Variants in TG observed in about 807,000 individuals in gnomAD.
The protein encoded by TG is thyroid hormones.
In TG, 270 loss-of-function variants were observed where a neutral mutation model predicts 324.7. The observed-to-expected ratio is 0.83, with a 90% CI of 0.75 to 0.92. The LOEUF is 0.92. Among genes scored for constraint, TG ranks in the 40% least tolerant of loss-of-function variants. The pLI, the probability that TG is intolerant of heterozygous loss-of-function variation, is 0.00. For synonymous variants in TG, 1,401 were observed against 1,327.0 expected (o/e 1.06, Z -1.21); for missense variants, 3,591 against 3,456.4 (o/e 1.04, Z -0.98).
chr8:133,022,266 A>T, intron 40 of TG, 116 bp downstream of exon 40: 1 of 1,441,696 alleles, frequency 6.9e-7, no homozygotes, highest in Admixed American at 1.7e-5. Flanking sequence ...CTAGGCACAC[A>T]GTGGAAATTT....
Position 133,133,640 on chromosome 8 carries a change from C to T in TG, c.8168C>T (p.Ser2723Leu), listed in dbSNP as rs763672890. The T allele has an allele frequency of 1.1e-4, 184 of 1,613,924 alleles. No individual in the cohort carries two copies. Among genetic ancestry groups the T allele is most frequent in the Non-Finnish European group, 1.5e-4 (176 of 1,179,966 alleles). The stretch of plus-strand genomic sequence containing the variant: ...TGCTCCTTCTGGTCCAAGTACATCT[C>T]GTCTCTGAAGACATCTGCAGGTAGC... Reference protein sequence around the residue: ...ADCSFWSKYISSLKTSADGAK... With the variant: ...ADCSFWSKYILSLKTSADGAK... The change falls in exon 47 of 48, where the codon TCG becomes TTG. Residue 2723 changes from serine to leucine, a missense_variant. By Grantham distance (145) the Ser-to-Leu change is moderately radical (BLOSUM62 -2). Transcript: ENST00000220616.
chr8:133,107,620 C>T (rs1333497127), intron 43 of TG, among the ~76,000 whole-genome samples: 1 of 152,214 alleles, frequency 6.6e-6, no homozygotes, highest in African/African-American at 2.4e-5. Context: ...TGTGCCCCTT[C>T]ACATTCCCTT....
At chr8:133,127,644 A>C (rs1851621516) in intron 45 of TG, among the ~76,000 whole-genome samples, 1 of 152,204 alleles carries the variant, frequency 6.6e-6, no homozygotes, top group Admixed American at 6.5e-5. Context: ...CTTTCGAAGA[A>C]TTAGATTCCA....
intron 41 of TG, among the ~76,000 whole-genome samples, chr8:133,074,093 G>T (rs2739154): frequency 0.43 from 65,353 of 151,920 alleles, 14,351 homozygotes; most frequent in Non-Finnish European, 0.46. Flanking sequence ...AAAGAATGTG[G>T]AGTGTGCCAT....
Position 132,888,019 on chromosome 8 carries a change from T to C in TG, c.2212T>C (p.Phe738Leu). The change falls in exon 10 of 48, where the codon TTC becomes CTC. Residue 738 changes from phenylalanine (F) to leucine (L), a missense_variant. Coordinates refer to ENST00000220616, the MANE Select transcript of TG (RefSeq NM_003235.5). ...TPCQLQSEQA[F>L]LRTVQALLSN... ...CTGTCAATTACAGTCTGAGCAAGCT[T>C]TCCTCAGGACGGTGCAGGCCCTGCT... 6.2e-7 allele frequency: 1 copy of C among 1,614,150 alleles called. No homozygotes were observed. The highest frequency in any genetic ancestry group is 1.1e-5 in the South Asian group (1 of 91,058).
intron 43 of TG, among the ~76,000 whole-genome samples, chr8:133,096,957 C>T (rs1005879856): frequency 6.6e-6 from 1 of 152,200 alleles, no homozygotes; most frequent in African/African-American, 2.4e-5. Flanking sequence ...GAAGTTACAG[C>T]CACTCACTAG....
At chr8:132,903,489 G>A (rs1818224930) in intron 16 of TG, among the ~76,000 whole-genome samples, 1 of 152,362 alleles carries the variant, frequency 6.6e-6, no homozygotes, top group South Asian at 2.1e-4. Flanking sequence ...TTTGGGAAAA[G>A]CTGAGAGATT....
At chr8:132,870,374 A>C (rs1484039695) in intron 3 of TG, among the ~76,000 whole-genome samples, 3 of 146,506 alleles carry the variant, frequency 2.0e-5, no homozygotes, top group Non-Finnish European at 3.0e-5. Flanking sequence ...TTATGCATCT[A>C]GTATGGTTGT....
chr8:132,873,754 G>A (rs948938469), intron 5 of TG, among the ~76,000 whole-genome samples: 6 of 152,200 alleles, frequency 3.9e-5, no homozygotes, highest in Non-Finnish European at 8.8e-5. Context: ...TTGTGCTTAT[G>A]TGACTATATT....
intron 45 of TG, among the ~76,000 whole-genome samples, chr8:133,126,095 A>T (rs139603816): frequency 2.2e-4 from 33 of 152,336 alleles, no homozygotes; most frequent in African/African-American, 7.0e-4. Flanking sequence ...GATAGGTGTG[A>T]TGCCTTAAAT....
At chr8:132,959,047 T>C (rs1587577397) in intron 27 of TG, among the ~76,000 whole-genome samples, 1 of 152,236 alleles carries the variant, frequency 6.6e-6, no homozygotes, top group Admixed American at 6.5e-5. Flanking sequence ...GAGTAGATCC[T>C]TTAGAGAAAC....
chr8:133,033,484 C>T (rs545451741), intron 41 of TG, among the ~76,000 whole-genome samples: 13 of 152,328 alleles, frequency 8.5e-5, no homozygotes, highest in Admixed American at 2.6e-4. Flanking sequence ...CCTTGCTGTT[C>T]TATGACAGCG....
At chr8:132,937,349 A>G (rs1823759617) in intron 25 of TG, among the ~76,000 whole-genome samples, 1 of 152,184 alleles carries the variant, frequency 6.6e-6, no homozygotes. Context: ...CTTGGTAGCA[A>G]TTGCGAGCCC....
intron 3 of TG, among the ~76,000 whole-genome samples, chr8:132,870,663 T>G (rs1587163535): frequency 6.6e-6 from 1 of 152,098 alleles, no homozygotes; most frequent in Non-Finnish European, 1.5e-5. Context: ...CTGCAGGCTG[T>G]GCCGAAGCAT....
chr8:133,024,563 C>G (rs1428030087), intron 40 of TG, among the ~76,000 whole-genome samples: 5 of 151,670 alleles, frequency 3.3e-5, no homozygotes, highest in African/African-American at 7.3e-5. Context: ...TCCCCTTGCC[C>G]CCCGCCCCCC....
At chr8:133,119,607 A>G (rs1299768426) in intron 45 of TG, among the ~76,000 whole-genome samples, 3 of 152,114 alleles carry the variant, frequency 2.0e-5, no homozygotes, top group Non-Finnish European at 4.4e-5. Flanking sequence ...TCCATTCATA[A>G]GGCTCCACCC....
chr8:133,083,074 G>C (rs1183919026), intron 41 of TG, among the ~76,000 whole-genome samples: 1 of 152,194 alleles, frequency 6.6e-6, no homozygotes, highest in Non-Finnish European at 1.5e-5. Flanking sequence ...TATAGAAATA[G>C]TTCTGGCCAA....
At chr8:132,929,278 C>T (rs1822338990) in intron 23 of TG, 86 bp downstream of exon 23, 1 of 973,684 alleles carries the variant, frequency 1.0e-6, no homozygotes, top group Non-Finnish European at 1.7e-6. Flanking sequence ...CAAATCAAAC[C>T]ATTAAAACTA....
chr8:133,097,182 A>G (rs575015922), intron 43 of TG, among the ~76,000 whole-genome samples: 2 of 152,350 alleles, frequency 1.3e-5, no homozygotes, highest in African/African-American at 4.8e-5. Context: ...TCTGTTGAAT[A>G]TAAGGCAGTC....
Sources: gnomAD v4.1 joint callset for allele counts (sites outside exome capture counted in the v4.1 genomes callset) on GRCh38, gnomAD v4.1.1 for gene constraint, MANE v1.5 for transcripts, NCBI Gene and HGNC (gene_info 2026-07-23, HGNC 2026-07-21) for gene names.